The following GASK1A variants were observed in gnomAD, a reference collection of about 807,000 sequenced individuals.
GASK1A encodes Golgi-associated kinase 1A.
In GASK1A, 40 loss-of-function variants were observed where a neutral mutation model predicts 41.2. The ratio of observed to expected loss-of-function variants is 0.97; its 90% CI spans 0.75 to 1.27. The LOEUF (loss-of-function observed/expected upper bound fraction) is 1.27. Among genes scored for constraint, GASK1A ranks in the 50% most tolerant of loss-of-function variants. The pLI is 0.00. For missense variants in GASK1A, 678 were observed against 745.1 expected (o/e 0.91, Z 1.05); for synonymous variants, 316 against 307.1 (o/e 1.03, Z -0.30).
chr3:43,033,677 C>A, intron 2 of GASK1A, 124 bp downstream of exon 2: 7 of 844,198 alleles, frequency 8.3e-6, no homozygotes, highest in Non-Finnish European at 1.2e-5. Flanking sequence ...TTTTGACCAC[C>A]AAGCACCTGC....
chr3:42,990,882 G>A (rs2089337192), intron 1 of GASK1A, among the ~76,000 whole-genome samples: 2 of 152,198 alleles, frequency 1.3e-5, no homozygotes, highest in African/African-American at 4.8e-5. Flanking sequence ...GGGAAATGGT[G>A]GGGTAAGGGG....
At chr3:43,013,688 G>T (rs2089475651) in intron 1 of GASK1A, among the ~76,000 whole-genome samples, 1 of 152,150 alleles carries the variant, frequency 6.6e-6, no homozygotes, top group African/African-American at 2.4e-5. Flanking sequence ...GGTGCTGTGT[G>T]AAGTCACAGG....
chr3:43,053,753 A>C (rs2280565), intron 3 of GASK1A, 110 bp downstream of exon 3: 29 of 1,261,448 alleles, frequency 2.3e-5, no homozygotes, highest in Non-Finnish European at 3.3e-5. Context: ...GGGGTTTCCC[A>C]GTCTTGTTCT....
Position 43,053,531 on chromosome 3 carries a change from G to A in GASK1A, c.1301G>A (p.Arg434His), listed in dbSNP as rs754708807. 23 of 1,548,528 alleles carry A rather than the reference G, an allele frequency of 1.5e-5. No homozygotes were observed. Among genetic ancestry groups the A allele is most frequent in the South Asian group, 6.0e-5 (5 of 83,884 alleles). Residue 434 changes from arginine (R) to histidine (H), a missense_variant, in exon 3 of 5, where the codon CGC becomes CAC. By Grantham distance (29) the Arg-to-His change is conservative. Coordinates refer to ENST00000430121, the MANE Select transcript of GASK1A (RefSeq NM_001129908.3). The part of the protein sequence containing the change: ...LFDFLLQVHD[R>H]LDRYCCGFEP... ...TGGGTGTCTCCACAGGTCCACGACC[G>A]CTTGGATCGCTACTGCTGTGGCTTC...
rs115556010 is a variant in GASK1A at position 43,032,866 on chromosome 3, G to A, written c.603G>A (p.Arg201=). Residue 201 remains arginine (R), a synonymous_variant, in exon 2 of 5, where the codon AGG becomes AGA. Transcript: ENST00000430121. ...TCTGGCCCCATACAGCAGAAGGCAG[G>A]GATCTGCTGGGAGCTGAGAACAGAG... The part of the protein sequence containing the change: ...LTLWPHTAEG[R]DLLGAENRAL... 851 of 1,549,748 alleles carry A rather than the reference G, an allele frequency of 5.5e-4. 6 individuals carry two copies. In the African/African-American group the frequency reaches 9.8e-3, roughly 18 times the overall value.
intron 2 of GASK1A, among the ~76,000 whole-genome samples, chr3:43,040,278 T>C (rs377056667): frequency 7.0e-6 from 1 of 142,324 alleles, no homozygotes; most frequent in African/African-American, 2.5e-5. Context: ...CTACCTTTAA[T>C]AGAGCCAATT....
intron 1 of GASK1A, among the ~76,000 whole-genome samples, chr3:42,992,141 C>T (rs545025361): frequency 9.9e-4 from 150 of 152,274 alleles, no homozygotes; most frequent in African/African-American, 3.3e-3. Context: ...GTAGTCACTT[C>T]GCTGGGAGTC....
intron 1 of GASK1A, among the ~76,000 whole-genome samples, chr3:42,986,870 T>A (rs2089314255): frequency 6.6e-6 from 1 of 152,176 alleles, no homozygotes; most frequent in Non-Finnish European, 1.5e-5. Flanking sequence ...CAGGAGAACC[T>A]CCAGCCCTTG....
intron 1 of GASK1A, among the ~76,000 whole-genome samples, chr3:43,022,212 GT>G (rs973743436): frequency 1.3e-5 from 2 of 151,950 alleles, no homozygotes; most frequent in African/African-American, 4.8e-5. Flanking sequence ...TTCAGATGAT[GT>G]TTTTTTTCAG....
chr3:42,979,669 G>T lies in GASK1A; in HGVS notation c.3+24G>T, dbSNP rs77103726. The T allele has an allele frequency of 1.9e-4, 235 of 1,245,968 alleles. No individual in the cohort carries two copies. In the East Asian group the frequency reaches 7.0e-3, roughly 37 times the overall value. 77.2% of individuals were successfully genotyped at this position (1,245,968 alleles called of 1,614,324 possible). A position where few individuals can be genotyped will look rare whatever the true frequency, so the allele number is the denominator to read the frequency against. ...TGGTAGGACTCGCGGGAAGGAACGC[G>T]CGAGCGGAGGGTGGGGCGATCACCA... On this transcript the variant is annotated intron_variant, in intron 1 of 4. Coordinates refer to ENST00000430121, the MANE Select transcript of GASK1A (RefSeq NM_001129908.3).
intron 1 of GASK1A, among the ~76,000 whole-genome samples, chr3:43,011,317 G>A (rs1023692453): frequency 2.0e-5 from 3 of 151,114 alleles, no homozygotes; most frequent in Admixed American, 6.6e-5. Context: ...GGAGGGCAGA[G>A]GTTGCAGTGA....
chr3:42,982,850 G>T (rs565666040), intron 1 of GASK1A, among the ~76,000 whole-genome samples: 3 of 152,348 alleles, frequency 2.0e-5, no homozygotes, highest in Non-Finnish European at 4.4e-5. Flanking sequence ...CATCAGGCAG[G>T]CAGCAGTGGG....
At chr3:43,037,784 G>A (rs1200921122) in intron 2 of GASK1A, among the ~76,000 whole-genome samples, 1 of 152,152 alleles carries the variant, frequency 6.6e-6, no homozygotes, top group Admixed American at 6.5e-5. Flanking sequence ...AACAAATTTT[G>A]GCAGTCTTTA....
At chr3:43,040,046 A>G (rs2089627786) in intron 2 of GASK1A, among the ~76,000 whole-genome samples, 2 of 151,852 alleles carry the variant, frequency 1.3e-5, no homozygotes, top group South Asian at 4.1e-4. Flanking sequence ...AATGACCAGG[A>G]TTTTCTCTGA....
chr3:42,994,474 A>G (rs1381665522), intron 1 of GASK1A, among the ~76,000 whole-genome samples: 2 of 152,126 alleles, frequency 1.3e-5, no homozygotes, highest in Non-Finnish European at 2.9e-5. Context: ...AGACACATGC[A>G]TGGAGGCTCA....
chr3:43,013,363 G>T (rs139206061), intron 1 of GASK1A, among the ~76,000 whole-genome samples: 21 of 152,094 alleles, frequency 1.4e-4, no homozygotes, highest in Non-Finnish European at 2.9e-4. Flanking sequence ...GGAAGGGGCC[G>T]TGTGAAACCA....
intron 1 of GASK1A, among the ~76,000 whole-genome samples, chr3:43,014,776 G>A (rs1171183125): frequency 6.6e-6 from 1 of 152,138 alleles, no homozygotes; most frequent in Non-Finnish European, 1.5e-5. Flanking sequence ...TGATATCACA[G>A]GAATGGGCAA....
At chr3:43,027,855 A>T (rs375263717) in intron 1 of GASK1A, among the ~76,000 whole-genome samples, 7 of 152,250 alleles carry the variant, frequency 4.6e-5, no homozygotes, top group Non-Finnish European at 8.8e-5. Flanking sequence ...TGAGTGACCA[A>T]TGGCCTGTGA....
Position 43,053,579 on chromosome 3 carries a change from G to T in GASK1A, c.1349G>T (p.Cys450Phe), listed in dbSNP as rs2089701274. 6.4e-7 allele frequency: 1 copy of T among 1,551,620 alleles called. No homozygotes were observed. The highest frequency in any genetic ancestry group is 1.4e-5 in the African/African-American group (1 of 73,060). ...CGFEPEPSDPCVEERLREKCQ... is the reference protein window; with the variant it reads ...CGFEPEPSDPFVEERLREKCQ... Reference sequence around the variant, plus strand: ...TTCGAGCCTGAGCCCTCAGACCCCTGTGTGGAAGAGAGGCTCCGAGAGAAA... The same window carrying T: ...TTCGAGCCTGAGCCCTCAGACCCCTTTGTGGAAGAGAGGCTCCGAGAGAAA... The change falls in exon 3 of 5, where the codon TGT becomes TTT. Residue 450 changes from cysteine to phenylalanine, a missense_variant. Coordinates refer to ENST00000430121, the MANE Select transcript of GASK1A (RefSeq NM_001129908.3).
Sources: allele counts gnomAD v4.1 joint callset (sites outside exome capture counted in the v4.1 genomes callset), GRCh38; gene constraint gnomAD v4.1.1; transcripts MANE v1.5; gene names NCBI Gene and HGNC (gene_info 2026-07-23, HGNC 2026-07-21).